SLIT2: variants seen among roughly 807,000 people sequenced by gnomAD.
The protein encoded by SLIT2 is slit homolog 2 protein.
A neutral mutation model predicts 185.7 loss-of-function variants in SLIT2; 41 were observed. The ratio of observed to expected loss-of-function variants is 0.22; its 90% CI spans 0.17 to 0.29. SLIT2 has a LOEUF of 0.29. Ranked by LOEUF, SLIT2 falls within the 10% of genes least tolerant of loss-of-function variation. The pLI is 1.00. For missense variants in SLIT2, 1,571 were observed against 1,909.0 expected (o/e 0.82, Z 3.30); for synonymous variants, 693 against 680.2 (o/e 1.02, Z -0.29).
At chr4:20,489,482 A>C (rs1254900011) in intron 8 of SLIT2, among the ~76,000 whole-genome samples, 1 of 152,210 alleles carries the variant, frequency 6.6e-6, no homozygotes, top group Non-Finnish European at 1.5e-5. Flanking sequence ...CAAACATCTA[A>C]AAACAAAAAT....
chr4:20,469,751 C>CTTTTTTTTT (rs33912349), intron 5 of SLIT2, among the ~76,000 whole-genome samples: 4 of 90,764 alleles, frequency 4.4e-5, no homozygotes, highest in East Asian at 3.1e-4. Context: ...TTAGTTTTTA[C>CTTTTTTTTT]TTTTTTTTTT....
intron 4 of SLIT2, among the ~76,000 whole-genome samples, chr4:20,442,430 G>A (rs906065329): frequency 2.2e-4 from 34 of 151,894 alleles, no homozygotes; most frequent in Middle Eastern, 3.4e-3. Flanking sequence ...AAGCTGAGGC[G>A]GGAGAATGGT....
chr4:20,276,303 T>TA (rs1304967500), intron 4 of SLIT2, among the ~76,000 whole-genome samples: 7 of 152,172 alleles, frequency 4.6e-5, no homozygotes, highest in African/African-American at 9.6e-5. Context: ...CATTACATGT[T>TA]ACCTATAACT....
At position 20,458,619 on chromosome 4, in the gene SLIT2, A is replaced by T. The variant is rs547601997; in HGVS notation, c.396-9133A>T. Among the ~76,000 whole-genome samples, 6 of 152,328 alleles carry T rather than the reference A, an allele frequency of 3.9e-5. No homozygotes were observed. The East Asian group carries it at 1.2e-3, about 29-fold the overall frequency. On this transcript the variant is annotated intron_variant, in intron 4 of 36. Coordinates refer to ENST00000504154, the MANE Select transcript of SLIT2 (RefSeq NM_004787.4). ...AATAACATTTTGAAACCACAGCTCCAGGGTGATTGAACTGTAATATCAGAG... is the reference window on the plus strand; with the variant it reads ...AATAACATTTTGAAACCACAGCTCCTGGGTGATTGAACTGTAATATCAGAG...
At chr4:20,371,414 G>A (rs1003113246) in intron 4 of SLIT2, among the ~76,000 whole-genome samples, 9 of 151,970 alleles carry the variant, frequency 5.9e-5, no homozygotes, top group Non-Finnish European at 1.3e-4. Flanking sequence ...AGTAAATCAT[G>A]TTTCTCCAAT....
intron 4 of SLIT2, among the ~76,000 whole-genome samples, chr4:20,310,706 T>C (rs1186053523): frequency 3.3e-5 from 5 of 152,212 alleles, no homozygotes; most frequent in Non-Finnish European, 5.9e-5. Context: ...GTCTTTATTC[T>C]GGAAGCTCTT....
chr4:20,267,736 G>T (rs886951117), intron 3 of SLIT2, among the ~76,000 whole-genome samples: 1 of 151,792 alleles, frequency 6.6e-6, no homozygotes, highest in East Asian at 1.9e-4. Context: ...GCATCTACCC[G>T]ATGACCCTTG....
intron 4 of SLIT2, among the ~76,000 whole-genome samples, chr4:20,421,652 A>T (rs1728181890): frequency 3.3e-5 from 5 of 152,208 alleles, no homozygotes. Flanking sequence ...CCCCCAAAAG[A>T]TTAAGAAAAA....
intron 4 of SLIT2, among the ~76,000 whole-genome samples, chr4:20,379,486 A>G (rs1465424881): frequency 6.6e-6 from 1 of 152,178 alleles, no homozygotes; most frequent in East Asian, 1.9e-4. Context: ...ACACATAAAT[A>G]TTGATACTGA....
chr4:20,594,514 G>A (rs1043419921), intron 30 of SLIT2, among the ~76,000 whole-genome samples: 3 of 152,004 alleles, frequency 2.0e-5, no homozygotes, highest in Admixed American at 6.6e-5. Context: ...AGGAAAAGGT[G>A]GAGGGTAGAG....
chr4:20,481,881 G>T (rs1716741327), intron 6 of SLIT2, among the ~76,000 whole-genome samples: 1 of 151,962 alleles, frequency 6.6e-6, no homozygotes, highest in African/African-American at 2.4e-5. Flanking sequence ...TGAATGAATT[G>T]ATTGGGATAA....
chr4:20,511,729 A>AT (rs1220794745), intron 11 of SLIT2, among the ~76,000 whole-genome samples: 1 of 151,222 alleles, frequency 6.6e-6, no homozygotes, highest in African/African-American at 2.4e-5. Context: ...TGCCCGGCCC[A>AT]TTTTTTTATT....
intron 16 of SLIT2, 148 bp downstream of exon 16, chr4:20,529,247 A>G: frequency 1.7e-6 from 1 of 579,958 alleles, no homozygotes; most frequent in Non-Finnish European, 2.8e-6. Context: ...TATTTTGTAC[A>G]AGAATATATT....
At chr4:20,489,121 T>A in intron 8 of SLIT2, 139 bp downstream of exon 8, 1 of 526,030 alleles carries the variant, frequency 1.9e-6, no homozygotes, top group Non-Finnish European at 3.1e-6. Context: ...AGAGATCCTC[T>A]TTTTCAGTGA....
At position 20,568,952 on chromosome 4, in the gene SLIT2, A is replaced by G. The variant is rs937740557; in HGVS notation, c.3036A>G (p.Thr1012=). Reference sequence around the variant, plus strand: ...ATAATGACTGTGAAAATAATTCTACATGTGTCGATGGCATTAATAACTACA... The same window carrying G: ...ATAATGACTGTGAAAATAATTCTACGTGTGTCGATGGCATTAATAACTACA... The part of the protein sequence containing the change: ...CEDNDCENNS[T]CVDGINNYTC... Residue 1012 remains threonine, a synonymous_variant, in exon 29 of 37, where the codon ACA becomes ACG. Coordinates refer to ENST00000504154, the MANE Select transcript of SLIT2 (RefSeq NM_004787.4). 5.6e-6 allele frequency: 9 copies of G among 1,612,420 alleles called. No homozygotes were observed. In the African/African-American group the frequency reaches 9.3e-5, roughly 17 times the overall value.
chr4:20,299,488 A>G (rs1245373339), intron 4 of SLIT2, among the ~76,000 whole-genome samples: 1 of 152,154 alleles, frequency 6.6e-6, no homozygotes, highest in Non-Finnish European at 1.5e-5. Flanking sequence ...TGAATATTTT[A>G]TCTATTTCAA....
At chr4:20,366,209 T>G (rs930534116) in intron 4 of SLIT2, among the ~76,000 whole-genome samples, 1 of 152,084 alleles carries the variant, frequency 6.6e-6, no homozygotes, top group Non-Finnish European at 1.5e-5. Context: ...CTTCCTCTCT[T>G]TCTCCTACTC....
intron 3 of SLIT2, among the ~76,000 whole-genome samples, chr4:20,265,752 G>T (rs1712972442): frequency 6.6e-6 from 1 of 151,642 alleles, no homozygotes; most frequent in African/African-American, 2.4e-5. Context: ...ATAAAACTTT[G>T]TTGTATTTAC....
At chr4:20,324,092 G>C (rs1015242455) in intron 4 of SLIT2, among the ~76,000 whole-genome samples, 1 of 152,130 alleles carries the variant, frequency 6.6e-6, no homozygotes, top group South Asian at 2.1e-4. Flanking sequence ...AGAGCATAGG[G>C]GTGGCGAAAC....
Sources: allele counts gnomAD v4.1 joint callset (sites outside exome capture counted in the v4.1 genomes callset), GRCh38; gene constraint gnomAD v4.1.1; transcripts MANE v1.5; gene names NCBI Gene and HGNC (gene_info 2026-07-23, HGNC 2026-07-21).